The following QRICH1 variants were observed in gnomAD, a reference collection of about 807,000 sequenced individuals.
QRICH1 encodes the protein transcriptional regulator QRICH1.
In QRICH1, 16 loss-of-function variants were observed where a neutral mutation model predicts 87.1. The observed-to-expected ratio is 0.18, with a 90% CI of 0.12 to 0.28. The LOEUF is 0.28. Ranked by LOEUF, QRICH1 falls within the 10% of genes least tolerant of loss-of-function variation. The pLI is 1.00. For missense variants in QRICH1, 647 were observed against 951.7 expected (o/e 0.68, Z 4.21); for synonymous variants, 367 against 368.4 (o/e 1.00, Z 0.05).
chr3:49,039,311 C>T (rs896054621), intron 6 of QRICH1, among the ~76,000 whole-genome samples: 4 of 151,986 alleles, frequency 2.6e-5, no homozygotes, highest in Non-Finnish European at 5.9e-5. Context: ...GAACCGAGAT[C>T]GTGTCATTGC....
chr3:49,030,064 C>G lies in QRICH1; in HGVS notation c.*388G>C. The G allele has an allele frequency of 6.3e-6, 2 of 316,032 alleles. No individual in the cohort carries two copies. Among genetic ancestry groups the G allele is most frequent in the Non-Finnish European group, 1.2e-5 (2 of 173,742 alleles). 19.6% of individuals were successfully genotyped at this position (316,032 alleles called of 1,614,324 possible). ...CCTGTGGTCAGCAAAGTCTGTCAGC[C>G]CAGTGGAAGTCGGCTGGGGAGATTC... On this transcript the variant is annotated 3_prime_UTR_variant, in exon 10 of 10. Transcript: ENST00000395443.
intron 1 of QRICH1, chr3:49,083,414 G>C (rs1407898368): frequency 2.0e-5 from 3 of 151,908 alleles, no homozygotes; most frequent in Admixed American, 6.6e-5. Flanking sequence ...CCTAAAGAGG[G>C]GTGAACCACC....
intron 9 of QRICH1, 37 bp from the exon 10 acceptor site, chr3:49,030,681 TA>T (rs773279837): frequency 6.7e-7 from 1 of 1,486,332 alleles, no homozygotes; most frequent in Non-Finnish European, 9.1e-7. Flanking sequence ...GTACCACCAA[TA>T]TAACTTCAAC....
At position 49,085,367 on chromosome 3, in the gene QRICH1, A is replaced by G. The variant is rs539131361; in HGVS notation, c.-21-8329T>C. ...ATCCTGGCTATCACGGTGAAACCCC[A>G]TCTCTACTAAAAATACAAGTGGTTA... On this transcript the variant is annotated intron_variant, in intron 1 of 9. Transcript: ENST00000395443. 4.6e-5 allele frequency among the ~76,000 whole-genome samples: 7 copies of G among 151,522 alleles called. No homozygotes were observed. In the South Asian group the frequency reaches 1.5e-3, roughly 32 times the overall value.
chr3:49,094,192 C>T (rs1186014996), upstream of QRICH1: 1 of 391,618 alleles, frequency 2.6e-6, no homozygotes, highest in East Asian at 3.6e-5. Context: ...CTTCTGGCCG[C>T]TAGAGCGGAT....
intron 2 of QRICH1, among the ~76,000 whole-genome samples, chr3:49,061,135 A>T (rs1225836120): frequency 1.2e-4 from 1 of 8,274 alleles, no homozygotes; most frequent in Non-Finnish European, 2.0e-4. Context: ...CCTCCATCTT[A>T]AAAAAAAAAA....
chr3:49,081,884 T>C (rs920655676), intron 1 of QRICH1, among the ~76,000 whole-genome samples: 2 of 151,994 alleles, frequency 1.3e-5, no homozygotes, highest in African/African-American at 4.8e-5. Flanking sequence ...CTCTACTCAC[T>C]GCAACCTCTG....
chr3:49,032,559 C>G (rs1430038451), intron 8 of QRICH1, 63 bp downstream of exon 8: 1 of 1,481,986 alleles, frequency 6.7e-7, no homozygotes, highest in South Asian at 1.4e-5. Context: ...CTCACAGGCA[C>G]AAGGGCAGGA....
chr3:49,039,685 G>A (rs533418864), intron 6 of QRICH1, among the ~76,000 whole-genome samples: 6 of 150,522 alleles, frequency 4.0e-5, no homozygotes, highest in Non-Finnish European at 8.9e-5. Context: ...ATACAGGAGA[G>A]GGGAAACAGG....
chr3:49,057,526 T>A lies in QRICH1; in HGVS notation c.674A>T (p.Gln225Leu). ...TVGALSPPPS[Q>L]QGSPREGERR... ...CTCCCCTTCCCGGGGTGAGCCCTGC[T>A]GGGATGGTGGTGGGGAAAGGGCACC... Residue 225 changes from glutamine (Q) to leucine (L), a missense_variant, in exon 3 of 10, where the codon CAG (glutamine) becomes CTG (leucine). Gln to Leu is a moderately radical substitution (Grantham distance 113). Transcript: ENST00000395443. This position sits in a 1 kb window ranked among gnomAD's most constrained non-coding sequence, Gnocchi z 5.4. 1 of 1,613,434 alleles carries A rather than the reference T, an allele frequency of 6.2e-7. No individual in the cohort carries two copies. The highest frequency in any genetic ancestry group is 1.7e-4 in the Middle Eastern group (1 of 6,060).
At chr3:49,031,503 T>C (rs182910884) in intron 9 of QRICH1, among the ~76,000 whole-genome samples, 355 of 152,272 alleles carry the variant, frequency 2.3e-3, no homozygotes, top group Admixed American at 5.1e-3. Context: ...GCAGGAAAAG[T>C]ATTTCCTACC....
intron 3 of QRICH1, among the ~76,000 whole-genome samples, chr3:49,053,749 AT>A (rs916968219): frequency 6.6e-6 from 1 of 152,118 alleles, no homozygotes; most frequent in Non-Finnish European, 1.5e-5. Flanking sequence ...AGGAAGTGAG[AT>A]TTCACCATAA....
chr3:49,081,406 G>C (rs1289590927), intron 1 of QRICH1, among the ~76,000 whole-genome samples: 1 of 147,802 alleles, frequency 6.8e-6, no homozygotes, highest in East Asian at 2.0e-4. Flanking sequence ...AACAGAGTGA[G>C]ACTCCATCTT....
At chr3:49,083,445 G>A (rs954297852) in intron 1 of QRICH1, 1 of 151,974 alleles carries the variant, frequency 6.6e-6, no homozygotes, top group African/African-American at 2.4e-5. Flanking sequence ...AATGGGGCAG[G>A]TCAAAACTTC....
At chr3:49,045,665 T>C (rs996401940) in intron 5 of QRICH1, among the ~76,000 whole-genome samples, 10 of 151,988 alleles carry the variant, frequency 6.6e-5, no homozygotes, top group African/African-American at 2.4e-4. Flanking sequence ...AGTGACATAA[T>C]CATGACTCAC....
At chr3:49,062,818 T>C (rs1289808407) in intron 2 of QRICH1, among the ~76,000 whole-genome samples, 1 of 151,714 alleles carries the variant, frequency 6.6e-6, no homozygotes, top group Admixed American at 6.6e-5. Flanking sequence ...CCATCCTGGC[T>C]AACATGGTGA....
chr3:49,089,172 G>C (rs2107050726), intron 1 of QRICH1, among the ~76,000 whole-genome samples: 1 of 151,636 alleles, frequency 6.6e-6, no homozygotes, highest in Non-Finnish European at 1.5e-5. Context: ...CGATTCTCCT[G>C]CCTCATCTTC....
intron 2 of QRICH1, among the ~76,000 whole-genome samples, chr3:49,074,718 C>T (rs1054578995): frequency 6.6e-6 from 1 of 152,004 alleles, no homozygotes; most frequent in African/African-American, 2.4e-5. Context: ...GTGGCTCATG[C>T]CTGTAATCCC....
chr3:49,037,296 G>A (rs773241604), intron 6 of QRICH1, among the ~76,000 whole-genome samples: 1 of 152,158 alleles, frequency 6.6e-6, no homozygotes, highest in Admixed American at 6.6e-5. Context: ...CCAATCAATT[G>A]TAGATACATG....
Sources: gnomAD v4.1 joint callset for allele counts (sites outside exome capture counted in the v4.1 genomes callset) on GRCh38, gnomAD v4.1.1 for gene constraint, Gnocchi (gnomAD v3.1) non-coding constraint, MANE v1.5 for transcripts, NCBI Gene and HGNC (gene_info 2026-07-23, HGNC 2026-07-21) for gene names.